CCDC57: variants seen among roughly 807,000 people sequenced by gnomAD.
CCDC57 encodes coiled-coil domain-containing protein 57.
In CCDC57, 118 loss-of-function variants were observed where a neutral mutation model predicts 118.9. That is an observed-to-expected ratio of 0.99 (90% CI 0.86 to 1.16). The LOEUF is 1.16. Ranked by LOEUF, CCDC57 falls within the 50% of genes most tolerant of loss-of-function variation. CCDC57 has a pLI of 0.00. For missense variants in CCDC57, 1,300 were observed against 1,320.7 expected, an observed-to-expected ratio of 0.98 and a Z score of 0.24; for synonymous variants, 527 against 532.9, an observed-to-expected ratio of 0.99 and a Z score of 0.15.
At chr17:82,101,665 G>T in exon 20 of CCDC57, 1 of 1,583,516 alleles carries the variant, frequency 6.3e-7, no homozygotes, top group Non-Finnish European at 8.6e-7. Context: ...TTAGTGGGGC[G>T]GGGTGGGGGG....
chr17:82,158,085 A>T, intron 14 of CCDC57, 137 bp from the exon 14 acceptor site: 1 of 1,441,530 alleles, frequency 6.9e-7, no homozygotes, highest in Non-Finnish European at 9.1e-7. Context: ...CCCCAGCTGG[A>T]TGCAACTGCC....
intron 19 of CCDC57, chr17:82,127,438 A>G (rs1228441934): frequency 2.1e-6 from 2 of 949,298 alleles, no homozygotes; most frequent in Non-Finnish European, 2.5e-6. Flanking sequence ...ATTCTAAGTC[A>G]GTGTGCGCCC....
intron 15 of CCDC57, chr17:82,157,392 C>T: frequency 8.6e-7 from 1 of 1,168,430 alleles, no homozygotes; most frequent in Non-Finnish European, 1.1e-6. Context: ...GCAGACGCCC[C>T]CTCAGCAGGC....
chr17:82,158,847 C>T (rs913431460), intron 14 of CCDC57, among the ~76,000 whole-genome samples: 3 of 150,486 alleles, frequency 2.0e-5, no homozygotes, highest in South Asian at 2.1e-4. Flanking sequence ...TGTGAGCCAC[C>T]GCATCCAGCC....
chr17:82,206,780 G>A (rs139263961), intron 2 of CCDC57, among the ~76,000 whole-genome samples: 159 of 152,288 alleles, frequency 1.0e-3, no homozygotes, highest in African/African-American at 3.6e-3. Context: ...CAGGACTCGC[G>A]ACTGGTGTCA....
intron 19 of CCDC57, chr17:82,107,525 G>A (rs191029083): frequency 3.6e-5 from 17 of 470,932 alleles, no homozygotes; most frequent in African/African-American, 2.4e-4. Context: ...AGGAGGAAGA[G>A]GCCCCCAGGT....
intron 8 of CCDC57, 89 bp from the exon 8 acceptor site, chr17:82,184,021 G>GCGCGCGCGCGCGCGCA: frequency 1.3e-5 from 4 of 313,232 alleles, no homozygotes; most frequent in Non-Finnish European, 2.2e-5. Flanking sequence ...ACACATGCGC[G>GCGCGCGCGCGCGCGCA]CGCGCGCGCG....
Position 82,178,905 on chromosome 17 carries a change from A to G in CCDC57, c.1374+122T>C. ...ATTACTCTAATTTATTACTCTAATT[A>G]CTCAGTGAGGTTTAGTGTTTTCAAA... On this transcript the variant is annotated intron_variant, in intron 10 of 19. Coordinates refer to ENST00000665763, the Ensembl canonical transcript of CCDC57. 5 of 1,105,570 alleles carry G rather than the reference A, an allele frequency of 4.5e-6. No individual in the cohort carries two copies. In the East Asian group the frequency reaches 1.0e-4, roughly 22 times the overall value. The allele number at this position is 1,105,570 out of a possible 1,614,324, so 68.5% of individuals were successfully genotyped here.
At chr17:82,116,212 G>C (rs1475620241) in intron 19 of CCDC57, among the ~76,000 whole-genome samples, 1 of 149,832 alleles carries the variant, frequency 6.7e-6, no homozygotes, top group Non-Finnish European at 1.5e-5. Flanking sequence ...ATTAACATGG[G>C]ACACCCTTTA....
Position 82,148,361 on chromosome 17 carries a change from A to ATGGG in CCDC57, c.2455+3195_2455+3198dup, listed in dbSNP as rs1346462820. The stretch of plus-strand genomic sequence containing the variant: ...GATGGATGGATAGGTGGGTGGATGG[A>ATGGG]TGGGTGGATGGGTGGGTGGGTGAAT... On this transcript the variant is annotated intron_variant, in intron 16 of 19. Transcript: ENST00000665763. Among the ~76,000 whole-genome samples the ATGGG allele has an allele frequency of 1.5e-3, 5 of 3,234 alleles. 2 individuals carry two copies. Among genetic ancestry groups the ATGGG allele is most frequent in the Non-Finnish European group, 2.6e-3 (5 of 1,912 alleles). The allele number at this position is 3,234 out of a possible 152,430, so 2.1% of individuals were successfully genotyped here. A position where few individuals can be genotyped will look rare whatever the true frequency, so the allele number is the denominator to read the frequency against.
intron 19 of CCDC57, among the ~76,000 whole-genome samples, chr17:82,102,385 A>C (rs1017577631): frequency 6.6e-6 from 1 of 152,266 alleles, no homozygotes; most frequent in Non-Finnish European, 1.5e-5. Context: ...GGCCAGGCAC[A>C]GGCCAAGGGC....
intron 19 of CCDC57, chr17:82,112,253 C>G (rs771749216): frequency 6.6e-6 from 1 of 152,336 alleles, no homozygotes; most frequent in Non-Finnish European, 1.5e-5. Flanking sequence ...GGATTACAGG[C>G]GTGAGCCGCC....
At position 82,118,962 on chromosome 17, in the gene CCDC57, G is replaced by A. The variant is rs528427050; in HGVS notation, c.2899+8730C>T. On this transcript the variant is annotated intron_variant, in intron 19 of 19. Coordinates refer to ENST00000665763, the Ensembl canonical transcript of CCDC57. This position sits in a 1 kb window ranked among gnomAD's most constrained non-coding sequence, Gnocchi z 4.7. ...GAATGCCTGGTAGTGTGTGGTCCCC[G>A]TGAGAGGAAGCGGAGATCAGAGTAA... 8.0e-4 allele frequency among the ~76,000 whole-genome samples: 121 copies of A among 151,604 alleles called. No homozygotes were observed. Among genetic ancestry groups the A allele is most frequent in the African/African-American group, 2.9e-3 (120 of 41,246 alleles).
At chr17:82,101,649 C>T (rs773401132) in exon 20 of CCDC57, 3 of 1,546,342 alleles carry the variant, frequency 1.9e-6, no homozygotes, top group Non-Finnish European at 2.6e-6. Context: ...AGGCCCCGAG[C>T]ACCCCTTAGT....
At chr17:82,106,308 C>G (rs1407924224) in intron 19 of CCDC57, 1 of 152,510 alleles carries the variant, frequency 6.6e-6, no homozygotes, top group African/African-American at 2.4e-5. Flanking sequence ...ACAGGCCTCA[C>G]TTGGGCGAGA....
chr17:82,184,025 G>GCTCACACACACACACACACACA, intron 8 of CCDC57, 93 bp from the exon 8 acceptor site: 1 of 387,908 alleles, frequency 2.6e-6, no homozygotes, highest in East Asian at 5.0e-5. Flanking sequence ...ATGCGCGCGC[G>GCTCACACACACACACACACACA]CGCGCGCACA....
Position 82,172,986 on chromosome 17 carries a change from T to C in CCDC57, c.1507-126A>G, listed in dbSNP as rs2044957724. ...TCCCCCGCTTCAGCTTGGGCTGTGG[T>C]CCCTCCCCATCCCCAGGCTGTGATG... is the stretch of plus-strand genomic sequence containing the variant. On this transcript the variant is annotated intron_variant, in intron 11 of 19. Transcript: ENST00000665763. The surrounding 1 kb of genome is among the most constrained non-coding windows in gnomAD (Gnocchi z 5.2). 1 of 754,728 alleles carries C rather than the reference T, an allele frequency of 1.3e-6. No homozygotes were observed. Among genetic ancestry groups the C allele is most frequent in the Non-Finnish European group, 2.3e-6 (1 of 441,590 alleles). The allele number at this position is 754,728 out of a possible 1,614,324, so 46.8% of individuals were successfully genotyped here. A position where few individuals can be genotyped will look rare whatever the true frequency, so the allele number is the denominator to read the frequency against.
At chr17:82,211,228 T>G (rs1198425699) in intron 1 of CCDC57, among the ~76,000 whole-genome samples, 2 of 152,182 alleles carry the variant, frequency 1.3e-5, no homozygotes, top group Admixed American at 1.3e-4. Context: ...ATTTCCCTGT[T>G]GAGGTTTTCT....
chr17:82,169,748 T>G (rs1277204337), intron 13 of CCDC57, among the ~76,000 whole-genome samples: 1 of 152,192 alleles, frequency 6.6e-6, no homozygotes, highest in Non-Finnish European at 1.5e-5. Context: ...GGTTTCTCAT[T>G]ATTGGGAAAG....
Sources: allele counts gnomAD v4.1 joint callset (sites outside exome capture counted in the v4.1 genomes callset), GRCh38; gene constraint gnomAD v4.1.1; non-coding constraint Gnocchi (gnomAD v3.1); transcripts MANE v1.5; gene names NCBI Gene and HGNC (gene_info 2026-07-23, HGNC 2026-07-21).